UBE2E2: variants seen among roughly 807,000 people sequenced by gnomAD.
UBE2E2 encodes ubiquitin-conjugating enzyme E2 E2.
A neutral mutation model predicts 24.7 loss-of-function variants in UBE2E2; 6 were observed. The observed-to-expected ratio is 0.24, with a 90% CI of 0.13 to 0.48. UBE2E2 has a LOEUF of 0.48. Ranked by LOEUF, UBE2E2 falls within the 20% of genes least tolerant of loss-of-function variation. The pLI is 0.99. For synonymous variants in UBE2E2, 104 were observed against 83.6 expected (o/e 1.24, Z -1.33); for missense variants, 169 against 245.0 (o/e 0.69, Z 2.07).
intron 5 of UBE2E2, among the ~76,000 whole-genome samples, chr3:23,538,484 A>T (rs569046708): frequency 6.6e-6 from 1 of 152,318 alleles, no homozygotes; most frequent in East Asian, 1.9e-4. Context: ...TCTACCTGGT[A>T]TTTTTAATAG....
chr3:23,204,175 C>G (rs914183131), intron 1 of UBE2E2, among the ~76,000 whole-genome samples: 4 of 140,750 alleles, frequency 2.8e-5, no homozygotes, highest in African/African-American at 1.0e-4. Flanking sequence ...TCTCCGATCT[C>G]TCTCATAATG....
intron 3 of UBE2E2, among the ~76,000 whole-genome samples, chr3:23,480,535 C>T (rs1699235351): frequency 6.6e-6 from 1 of 152,146 alleles, no homozygotes; most frequent in Admixed American, 6.5e-5. Context: ...GAGGGTGCAG[C>T]CCTCGCTGCG....
At chr3:23,303,637 G>A (rs777736267) in intron 3 of UBE2E2, among the ~76,000 whole-genome samples, 101 of 152,114 alleles carry the variant, frequency 6.6e-4, no homozygotes, top group South Asian at 4.2e-4. Context: ...AAATAGACAC[G>A]TTATGCATGA....
intron 5 of UBE2E2, among the ~76,000 whole-genome samples, chr3:23,558,977 A>G (rs932488889): frequency 1.3e-5 from 2 of 152,184 alleles, no homozygotes; most frequent in Admixed American, 6.6e-5. Context: ...ATTAGTTATT[A>G]TCATTCCTAA....
chr3:23,402,188 T>C (rs1697243469), intron 3 of UBE2E2, among the ~76,000 whole-genome samples: 1 of 152,144 alleles, frequency 6.6e-6, no homozygotes, highest in Non-Finnish European at 1.5e-5. Flanking sequence ...CTCCCATTTG[T>C]CTCTCTAAAT....
Position 23,290,552 on chromosome 3 carries a change from A to C in UBE2E2, c.227+73240A>C, listed in dbSNP as rs141174521. ...AGGCTGGTCTCCAACTCTTCCGTTC[A>C]AGTGATCCTCCCACTTCAGCTTCCT... is the stretch of plus-strand genomic sequence containing the variant. On this transcript the variant is annotated intron_variant, in intron 3 of 5. Coordinates refer to ENST00000396703, the MANE Select transcript of UBE2E2 (RefSeq NM_152653.4). Among the ~76,000 whole-genome samples the C allele has an allele frequency of 2.2e-3, 335 of 152,020 alleles. 2 individuals are homozygous for C. The highest frequency in any genetic ancestry group is 7.7e-3 in the African/African-American group (321 of 41,466).
intron 3 of UBE2E2, among the ~76,000 whole-genome samples, chr3:23,355,150 G>A (rs1695904099): frequency 6.8e-6 from 1 of 147,702 alleles, no homozygotes; most frequent in Non-Finnish European, 1.5e-5. Context: ...AACACCTCAT[G>A]TTCTCACTCA....
chr3:23,364,693 G>C (rs932581195), intron 3 of UBE2E2, among the ~76,000 whole-genome samples: 2 of 152,122 alleles, frequency 1.3e-5, no homozygotes, highest in African/African-American at 4.8e-5. Flanking sequence ...TACTGAATGT[G>C]TAAGGAAAAG....
chr3:23,255,079 C>CTTT lies in UBE2E2; in HGVS notation c.227+37790_227+37792dup, dbSNP rs202015038. 1.4e-3 allele frequency among the ~76,000 whole-genome samples: 118 copies of CTTT among 85,934 alleles called. 1 individual carries two copies. Among genetic ancestry groups the CTTT allele is most frequent in the African/African-American group, 3.6e-3 (69 of 19,152 alleles). 56.4% of individuals were successfully genotyped at this position (85,934 alleles called of 152,430 possible). ...TGAGATCAGTTTAAGGAGTAACTTC[C>CTTT]TTTTTTTTTTTTTTTTTTTTTTTTT... On this transcript the variant is annotated intron_variant, in intron 3 of 5. Transcript: ENST00000396703.
At chr3:23,336,297 A>G (rs1695208869) in intron 3 of UBE2E2, among the ~76,000 whole-genome samples, 1 of 152,218 alleles carries the variant, frequency 6.6e-6, no homozygotes, top group Admixed American at 6.5e-5. Flanking sequence ...AGTCCTTATC[A>G]TGTTACTTTC....
Position 23,508,393 on chromosome 3 carries a change from G to C in UBE2E2, c.360+8653G>C, listed in dbSNP as rs1694504270. 1.3e-5 allele frequency among the ~76,000 whole-genome samples: 2 copies of C among 152,320 alleles called. 1 individual carries two copies. Among genetic ancestry groups the C allele is most frequent in the South Asian group, 4.1e-4 (2 of 4,828 alleles). ...ATGCCTATAAGCTAATAGGAAATCA[G>C]CCTTTTGGTTGACAGGAAGTTTAAT... On this transcript the variant is annotated intron_variant, in intron 4 of 5. Coordinates refer to ENST00000396703, the MANE Select transcript of UBE2E2 (RefSeq NM_152653.4).
chr3:23,203,438 C>T lies in UBE2E2; in HGVS notation c.-35C>T, dbSNP rs994496543. ...CTCCCAGGGCTTCGGCTCGAGCCTG[C>T]GACCTGCACGGACACCCCCCCCTCA... On this transcript the variant is annotated 5_prime_UTR_variant, in exon 1 of 6. Coordinates refer to ENST00000396703, the MANE Select transcript of UBE2E2 (RefSeq NM_152653.4). 3 of 963,574 alleles carry T rather than the reference C, an allele frequency of 3.1e-6. No individual in the cohort carries two copies. Among genetic ancestry groups the T allele is most frequent in the Non-Finnish European group, 3.6e-6 (3 of 824,262 alleles). The allele number at this position is 963,574 out of a possible 1,614,324, so 59.7% of individuals were successfully genotyped here.
chr3:23,262,012 A>G (rs1040474423), intron 3 of UBE2E2, among the ~76,000 whole-genome samples: 1 of 152,146 alleles, frequency 6.6e-6, no homozygotes, highest in African/African-American at 2.4e-5. Context: ...TGCTAAAACA[A>G]TGTTCTAGTT....
intron 3 of UBE2E2, among the ~76,000 whole-genome samples, chr3:23,462,926 T>A (rs535766505): frequency 6.6e-6 from 1 of 152,292 alleles, no homozygotes; most frequent in Non-Finnish European, 1.5e-5. Context: ...TTTGTAATGG[T>A]GCCCCATCCC....
In UBE2E2 at chr3:23,562,748, C is replaced by A. The variant is rs193157104; in HGVS notation, c.509-26986C>A. 3.9e-5 allele frequency among the ~76,000 whole-genome samples: 6 copies of A among 152,114 alleles called. No individual in the cohort carries two copies. In the East Asian group the frequency reaches 1.2e-3, roughly 29 times the overall value. On this transcript the variant is annotated intron_variant, in intron 5 of 5. Coordinates refer to ENST00000396703, the MANE Select transcript of UBE2E2 (RefSeq NM_152653.4). ...ATTAATTATTGCCTCAATTTCAGAG[C>A]CTGTTATTGGTCTATTAAAAGATTC...
At chr3:23,364,367 A>T (rs1696201977) in intron 3 of UBE2E2, among the ~76,000 whole-genome samples, 1 of 152,086 alleles carries the variant, frequency 6.6e-6, no homozygotes, top group Admixed American at 6.6e-5. Context: ...AATAAGATTG[A>T]TATGCCACTA....
chr3:23,257,351 C>T (rs1697754773), intron 3 of UBE2E2, among the ~76,000 whole-genome samples: 1 of 152,110 alleles, frequency 6.6e-6, no homozygotes, highest in African/African-American at 2.4e-5. Context: ...ACTGTGAAAC[C>T]AGGAAATGAA....
Position 23,435,556 on chromosome 3 carries a change from G to T in UBE2E2, c.228-64052G>T, listed in dbSNP as rs554339980. On this transcript the variant is annotated intron_variant, in intron 3 of 5. Transcript: ENST00000396703. Reference sequence around the variant, plus strand: ...TCACAGCTAAGGCAAAGAGGACCCTGTGCCTCAAGTGGGGTCACGTGGAGT... The same window carrying T: ...TCACAGCTAAGGCAAAGAGGACCCTTTGCCTCAAGTGGGGTCACGTGGAGT... Among the ~76,000 whole-genome samples, 4 of 152,332 alleles carry T rather than the reference G, an allele frequency of 2.6e-5. No individual in the cohort carries two copies. In the East Asian group the frequency reaches 5.8e-4, roughly 22 times the overall value.
intron 3 of UBE2E2, chr3:23,323,563 T>A (rs1694803905): frequency 2.2e-6 from 1 of 452,392 alleles, no homozygotes; most frequent in Non-Finnish European, 4.4e-6. Context: ...TCAATTGGAT[T>A]TTTGGATTTT....
Sources: allele counts gnomAD v4.1 joint callset (sites outside exome capture counted in the v4.1 genomes callset), GRCh38; gene constraint gnomAD v4.1.1; transcripts MANE v1.5; gene names NCBI Gene and HGNC (gene_info 2026-07-23, HGNC 2026-07-21).